CRMP1: variants seen among roughly 807,000 people sequenced by gnomAD.
CRMP1 encodes the protein dihydropyrimidinase-related protein 1.
A neutral mutation model predicts 68.3 loss-of-function variants in CRMP1; 19 were observed. The observed-to-expected ratio is 0.28, with a 90% CI of 0.19 to 0.41. CRMP1 has a LOEUF of 0.41. Ranked by LOEUF, CRMP1 falls within the 10% of genes least tolerant of loss-of-function variation. The pLI is 1.00. For synonymous variants in CRMP1, 439 were observed against 399.6 expected, an observed-to-expected ratio of 1.10 and a Z score of -1.18; for missense variants, 791 against 967.4, an observed-to-expected ratio of 0.82 and a Z score of 2.42.
chr4:5,893,081 G>C lies in CRMP1; in HGVS notation c.-112C>G, dbSNP rs1000912174. The C allele has an allele frequency of 1.4e-6, 1 of 730,990 alleles. No homozygotes were observed. Among genetic ancestry groups the C allele is most frequent in the Non-Finnish European group, 1.7e-6 (1 of 599,152 alleles). 45.3% of individuals were successfully genotyped at this position (730,990 alleles called of 1,614,324 possible). On this transcript the variant is annotated 5_prime_UTR_variant, in exon 1 of 14. Coordinates refer to ENST00000324989, the MANE Select transcript of CRMP1 (RefSeq NM_001014809.3). ...TGCGGGCCTGCGGCGGCCCGGGCGC[G>C]ACTGCGGCCCAGGGAGGGGAGGGGC...
At chr4:5,835,877 A>C in intron 11 of CRMP1, 38 bp downstream of exon 11, 2 of 1,398,994 alleles carry the variant, frequency 1.4e-6, no homozygotes, top group Non-Finnish European at 1.9e-6. Context: ...ACAACGAAGA[A>C]TCACTTATCT....
intron 1 of CRMP1, among the ~76,000 whole-genome samples, chr4:5,873,170 G>A (rs1007053532): frequency 6.6e-5 from 10 of 152,262 alleles, no homozygotes; most frequent in Admixed American, 2.6e-4. Flanking sequence ...TCAACAGCTG[G>A]CCTTTGCTGC....
At chr4:5,875,711 T>TG (rs138133072) in intron 1 of CRMP1, among the ~76,000 whole-genome samples, 2,514 of 146,384 alleles carry the variant, frequency 0.017, 63 homozygotes, top group African/African-American at 0.054. Context: ...GAGGAACAGG[T>TG]GGGGGTTGGT....
At position 5,891,098 on chromosome 4, in the gene CRMP1, T is replaced by C. The variant is rs1485644366; in HGVS notation, c.381+1491A>G. ...AGGGAAGGTAGTGGACAGGGGGAGA[T>C]ACAGAAGGGGTGGGGGAAGAGGAAG... is the stretch of plus-strand genomic sequence containing the variant. On this transcript the variant is annotated intron_variant, in intron 1 of 13. Transcript: ENST00000324989. This position sits in a 1 kb window ranked among gnomAD's most constrained non-coding sequence, Gnocchi z 5.2. 6.7e-6 allele frequency among the ~76,000 whole-genome samples: 1 copy of C among 148,400 alleles called. No homozygotes were observed. Among genetic ancestry groups the C allele is most frequent in the Admixed American group, 6.7e-5 (1 of 14,828 alleles).
Position 5,843,595 on chromosome 4 carries a change from G to T in CRMP1, c.964-434C>A, listed in dbSNP as rs541442412. On this transcript the variant is annotated intron_variant, in intron 6 of 13. Transcript: ENST00000324989. The surrounding 1 kb of genome is among the most constrained non-coding windows in gnomAD (Gnocchi z 4.1). ...GAAATCAAAGATCCCGAAACTGGGA[G>T]TCCAGATCCAGAACAGCCGTCTCTG... Among the ~76,000 whole-genome samples, 3 of 152,252 alleles carry T rather than the reference G, an allele frequency of 2.0e-5. No homozygotes were observed. Among genetic ancestry groups the T allele is most frequent in the African/African-American group, 4.8e-5 (2 of 41,556 alleles).
In CRMP1 at chr4:5,841,396, G is replaced by A. The variant is rs367673526; in HGVS notation, c.1065C>T (p.Thr355=). 1.2e-6 allele frequency: 2 copies of A among 1,614,060 alleles called. No individual in the cohort carries two copies. Among genetic ancestry groups the A allele is most frequent in the African/African-American group, 2.7e-5 (2 of 74,914 alleles). ...CAGGGCAGTTGATCCGGCCCGCAAT[G>A]GTGATGGCCCGGAACACCGCCTCGG... ...LEAEAVFRAI[T]IAGRINCPVY... The change falls in exon 8 of 14, where the codon ACC becomes ACT. Residue 355 remains threonine, a synonymous_variant. Coordinates refer to ENST00000324989, the MANE Select transcript of CRMP1 (RefSeq NM_001014809.3). This position sits in a 1 kb window ranked among gnomAD's most constrained non-coding sequence, Gnocchi z 6.9.
intron 12 of CRMP1, chr4:5,826,067 C>T (rs1045265625): frequency 1.5e-5 from 4 of 266,284 alleles, no homozygotes; most frequent in Non-Finnish European, 2.8e-5. Flanking sequence ...TATGTATACA[C>T]ATGCATACAT....
In CRMP1 at chr4:5,889,297, G is replaced by C. The variant is rs1715831973; in HGVS notation, c.381+3292C>G. Among the ~76,000 whole-genome samples the C allele has an allele frequency of 6.6e-6, 1 of 152,162 alleles. No homozygotes were observed. The highest frequency in any genetic ancestry group is 2.4e-5 in the African/African-American group (1 of 41,438). On this transcript the variant is annotated intron_variant, in intron 1 of 13. Transcript: ENST00000324989. This position sits in a 1 kb window ranked among gnomAD's most constrained non-coding sequence, Gnocchi z 4.5. ...AGCAGCCTGACACTGGGGCCACCAGGTCACCCCACAGAATTGCCTCCAAGA... is the reference window on the plus strand; with the variant it reads ...AGCAGCCTGACACTGGGGCCACCAGCTCACCCCACAGAATTGCCTCCAAGA...
intron 3 of CRMP1, among the ~76,000 whole-genome samples, chr4:5,856,770 T>C (rs1022329057): frequency 3.4e-5 from 5 of 147,860 alleles, no homozygotes; most frequent in African/African-American, 1.3e-4. Context: ...ATCACTATCA[T>C]CATCATTACC....
chr4:5,833,655 C>T (rs577021700), intron 11 of CRMP1, among the ~76,000 whole-genome samples: 5 of 152,134 alleles, frequency 3.3e-5, no homozygotes, highest in Non-Finnish European at 4.4e-5. Context: ...ATGCTAAGCA[C>T]GAAGTAACTA....
In CRMP1 at chr4:5,854,227, C is replaced by T. The variant is rs1167669901; in HGVS notation, c.820+1916G>A. On this transcript the variant is annotated intron_variant, in intron 4 of 13. Coordinates refer to ENST00000324989, the MANE Select transcript of CRMP1 (RefSeq NM_001014809.3). This position sits in a 1 kb window ranked among gnomAD's most constrained non-coding sequence, Gnocchi z 4.0. ...TCTGTTATGTAGTTGCAGTGAATCACGCAGCAACTGCAATACAAGGATAAT... is the reference window on the plus strand; with the variant it reads ...TCTGTTATGTAGTTGCAGTGAATCATGCAGCAACTGCAATACAAGGATAAT... Among the ~76,000 whole-genome samples the T allele has an allele frequency of 1.3e-5, 2 of 152,078 alleles. No homozygotes were observed. Among genetic ancestry groups the T allele is most frequent in the Admixed American group, 1.3e-4 (2 of 15,266 alleles).
chr4:5,851,302 A>ATCCC, intron 5 of CRMP1, 106 bp downstream of exon 5: 1 of 1,010,714 alleles, frequency 9.9e-7, no homozygotes. Context: ...CAGGACTCGA[A>ATCCC]TCCCACGGCT....
chr4:5,851,580 T>A (rs1329735630), intron 4 of CRMP1, 111 bp from the exon 5 acceptor site: 3 of 1,082,326 alleles, frequency 2.8e-6, no homozygotes, highest in Non-Finnish European at 4.2e-6. Context: ...GAGAGATGAG[T>A]GCCATTGGGA....
chr4:5,857,115 A>AATC (rs150699330), intron 3 of CRMP1, among the ~76,000 whole-genome samples: 83,320 of 139,158 alleles, frequency 0.6, 21,861 homozygotes, highest in East Asian at 0.7. Context: ...CCACCACCAC[A>AATC]ATCATCACCA....
rs989378545 is a variant in CRMP1 at position 5,877,931 on chromosome 4, C to T, written c.382-11175G>A. Among the ~76,000 whole-genome samples the T allele has an allele frequency of 6.6e-6, 1 of 152,192 alleles. No homozygotes were observed. Among genetic ancestry groups the T allele is most frequent in the African/African-American group, 2.4e-5 (1 of 41,444 alleles). The stretch of plus-strand genomic sequence containing the variant: ...GCATAGGGAAAGACGATGCTAGCTG[C>T]ATGTGTGATCGGTAACTTGACCCAT... On this transcript the variant is annotated intron_variant, in intron 1 of 13. Coordinates refer to ENST00000324989, the MANE Select transcript of CRMP1 (RefSeq NM_001014809.3). The surrounding 1 kb of genome is among the most constrained non-coding windows in gnomAD (Gnocchi z 4.3).
chr4:5,852,846 C>T (rs1712762841), intron 4 of CRMP1, among the ~76,000 whole-genome samples: 1 of 152,112 alleles, frequency 6.6e-6, no homozygotes, highest in Admixed American at 6.5e-5. Context: ...GAAGGCTTCC[C>T]AGGGGAGTAC....
intron 1 of CRMP1, among the ~76,000 whole-genome samples, chr4:5,885,136 G>A (rs148096519): frequency 1.3e-5 from 2 of 152,242 alleles, no homozygotes; most frequent in African/African-American, 4.8e-5. Context: ...GGAAAAAAGA[G>A]GAAGACACCA....
At position 5,825,620 on chromosome 4, in the gene CRMP1, C is replaced by T. The variant is rs1185018252; in HGVS notation, c.1843G>A (p.Gly615Ser). The T allele has an allele frequency of 4.4e-6, 7 of 1,607,476 alleles. No individual in the cohort carries two copies. The highest frequency in any genetic ancestry group is 5.9e-6 in the Non-Finnish European group (7 of 1,177,932). The change falls in exon 13 of 14, where the codon GGT (glycine) becomes AGT (serine). Residue 615 changes from glycine to serine, a missense_variant. Gly to Ser is a moderately conservative substitution (Grantham distance 56). This residue lies in a region of CRMP1 where 594 missense variants were observed against 763.6 expected (regional missense o/e 0.78). Coordinates refer to ENST00000324989, the MANE Select transcript of CRMP1 (RefSeq NM_001014809.3). This position sits in a 1 kb window ranked among gnomAD's most constrained non-coding sequence, Gnocchi z 4.4. ...GTAGCTGGTACCTCGTACACAGGAC[C>T]GTCATACATGCCCCTGGAAACCCCT... ...LQGVSRGMYD[G>S]PVYEVPATPK...
At chr4:5,864,656 G>T (rs927244355) in intron 2 of CRMP1, among the ~76,000 whole-genome samples, 1 of 152,170 alleles carries the variant, frequency 6.6e-6, no homozygotes, top group Non-Finnish European at 1.5e-5. Flanking sequence ...CGTGCTGTGG[G>T]GACAGAGGGA....
Sources: gnomAD v4.1 joint callset for allele counts (sites outside exome capture counted in the v4.1 genomes callset) on GRCh38, gnomAD v4.1.1 for gene constraint, gnomAD v4.1.1 regional missense constraint, Gnocchi (gnomAD v3.1) non-coding constraint, MANE v1.5 for transcripts, NCBI Gene and HGNC (gene_info 2026-07-23, HGNC 2026-07-21) for gene names.